LDLRAD4: variants seen among roughly 807,000 people sequenced by gnomAD.
LDLRAD4 encodes the protein low-density lipoprotein receptor class A domain-containing protein 4.
In LDLRAD4, 5 loss-of-function variants were observed where a neutral mutation model predicts 17.0. The ratio of observed to expected loss-of-function variants is 0.29; its 90% confidence interval spans 0.15 to 0.62. LDLRAD4 has a LOEUF of 0.62. Ranked by LOEUF, LDLRAD4 falls within the 20% of genes least tolerant of loss-of-function variation. The pLI is 0.84. For synonymous variants in LDLRAD4, 168 were observed against 171.8 expected (o/e 0.98, Z 0.17); for missense variants, 340 against 424.7 (o/e 0.80, Z 1.75).
chr18:13,237,667 C>G (rs2042403268), intron 1 of LDLRAD4, among the ~76,000 whole-genome samples: 1 of 152,192 alleles, frequency 6.6e-6, no homozygotes, highest in African/African-American at 2.4e-5. Flanking sequence ...TCAGTGCATA[C>G]AATTGTGTGA....
At chr18:13,495,424 C>T (rs1010540081) in intron 3 of LDLRAD4, among the ~76,000 whole-genome samples, 13 of 152,230 alleles carry the variant, frequency 8.5e-5, no homozygotes, top group African/African-American at 3.1e-4. Flanking sequence ...AGCCTGCCTT[C>T]AGTCAACAAA....
intron 3 of LDLRAD4, among the ~76,000 whole-genome samples, chr18:13,475,114 A>G (rs922392410): frequency 2.0e-5 from 3 of 152,222 alleles, no homozygotes; most frequent in Non-Finnish European, 4.4e-5. Context: ...TGGAGCAGAC[A>G]GGAGCCTCAA....
chr18:13,428,042 A>T (rs1600196374), intron 2 of LDLRAD4, among the ~76,000 whole-genome samples: 1 of 152,344 alleles, frequency 6.6e-6, no homozygotes, highest in Non-Finnish European at 1.5e-5. Flanking sequence ...CTGGCCATGT[A>T]CCACACTCTG....
At chr18:13,550,786 C>T (rs1192268701) in intron 3 of LDLRAD4, among the ~76,000 whole-genome samples, 2 of 152,144 alleles carry the variant, frequency 1.3e-5, no homozygotes, top group African/African-American at 4.8e-5. Flanking sequence ...ACTCCAAGTC[C>T]GAGTCCCGCT....
chr18:13,605,740 T>C (rs534365645), intron 3 of LDLRAD4, among the ~76,000 whole-genome samples: 6 of 152,290 alleles, frequency 3.9e-5, no homozygotes, highest in Non-Finnish European at 8.8e-5. Flanking sequence ...TTGAGTACTG[T>C]TCTTTAAAAT....
At chr18:13,465,272 C>A (rs1452461684) in intron 3 of LDLRAD4, among the ~76,000 whole-genome samples, 2 of 152,184 alleles carry the variant, frequency 1.3e-5, no homozygotes, top group African/African-American at 4.8e-5. Context: ...AACAGCACGC[C>A]CTCTCTTTAT....
In LDLRAD4 at chr18:13,255,696, A is replaced by G. The variant is rs560285071; in HGVS notation, c.-466-22409A>G. ...AGGCCCAAGGGAGAGGCAGGGTGCC[A>G]TAGGGGCTGTTGCAGCGTTGAGGCC... On this transcript the variant is annotated intron_variant, in intron 1 of 5. Coordinates refer to the LDLRAD4 transcript ENST00000399848. 4.6e-5 allele frequency among the ~76,000 whole-genome samples: 7 copies of G among 152,232 alleles called. No homozygotes were observed. The South Asian group carries it at 1.2e-3, about 27-fold the overall frequency.
At chr18:13,316,056 G>A (rs1227169474) in intron 1 of LDLRAD4, among the ~76,000 whole-genome samples, 1 of 152,104 alleles carries the variant, frequency 6.6e-6, no homozygotes, top group Non-Finnish European at 1.5e-5. Flanking sequence ...GGAGAGAGAT[G>A]GGGGTGCCAG....
In LDLRAD4 at chr18:13,405,725, G is replaced by A. The variant is rs201200951; in HGVS notation, c.40+17963G>A. ...AGTGCTGAGATTACTGCAGGCATGA[G>A]CCACCGTGCCGAGCCCCTATGCGAG... On this transcript the variant is annotated intron_variant, in intron 2 of 5. Transcript: ENST00000359446. Among the ~76,000 whole-genome samples the A allele has an allele frequency of 4.6e-5, 7 of 151,820 alleles. No homozygotes were observed. The East Asian group carries it at 1.4e-3, about 29-fold the overall frequency.
At chr18:13,394,986 C>T (rs557567867) in intron 2 of LDLRAD4, among the ~76,000 whole-genome samples, 17 of 152,286 alleles carry the variant, frequency 1.1e-4, no homozygotes, top group Middle Eastern at 3.4e-3. Context: ...CTCTGGAGTC[C>T]TTAATACTGG....
At chr18:13,450,024 CGA>C (rs1410018929) in intron 3 of LDLRAD4, among the ~76,000 whole-genome samples, 1 of 152,166 alleles carries the variant, frequency 6.6e-6, no homozygotes, top group Non-Finnish European at 1.5e-5. Flanking sequence ...AACACATTAC[CGA>C]GAGAGTTCGC....
chr18:13,470,490 C>T (rs974362133), intron 3 of LDLRAD4, among the ~76,000 whole-genome samples: 6 of 150,144 alleles, frequency 4.0e-5, no homozygotes, highest in African/African-American at 1.5e-4. Flanking sequence ...ATGTCTGCCA[C>T]AGCAAAATAG....
At chr18:13,293,058 A>C (rs2046059842) in intron 1 of LDLRAD4, among the ~76,000 whole-genome samples, 1 of 152,192 alleles carries the variant, frequency 6.6e-6, no homozygotes, top group Non-Finnish European at 1.5e-5. Flanking sequence ...TGACATCTTA[A>C]CTTAAAAGGT....
rs1003295658 is a variant in LDLRAD4, at chr18:13,578,827, CTTTT to C, written c.182-42265_182-42262del. On this transcript the variant is annotated intron_variant, in intron 3 of 5. Transcript: ENST00000359446. ...TGACCCATTTAAAAGTTGTCCGGGT[CTTTT>C]TTTTTTTTTTTTTTTTTTTTTTTTG... is the stretch of plus-strand genomic sequence containing the variant. Among the ~76,000 whole-genome samples, 477 of 65,636 alleles carry C rather than the reference CTTTT, an allele frequency of 7.3e-3. 2 individuals carry two copies. The highest frequency in any genetic ancestry group is 0.036 in the Admixed American group (181 of 4,980). 43.1% of individuals were successfully genotyped at this position (65,636 alleles called of 152,430 possible).
intron 1 of LDLRAD4, among the ~76,000 whole-genome samples, chr18:13,225,638 C>T (rs2041743065): frequency 1.3e-5 from 2 of 152,206 alleles, no homozygotes; most frequent in East Asian, 1.9e-4. Flanking sequence ...GGACAAATAA[C>T]GTTTTCTTTT....
At chr18:13,444,247 T>C (rs1020205261) in intron 3 of LDLRAD4, among the ~76,000 whole-genome samples, 2 of 152,180 alleles carry the variant, frequency 1.3e-5, no homozygotes, top group Non-Finnish European at 2.9e-5. Flanking sequence ...GAACCCCCTC[T>C]GCTACACTTG....
intron 2 of LDLRAD4, among the ~76,000 whole-genome samples, chr18:13,395,627 AGTTGGCG>A (rs1470817776): frequency 9.3e-4 from 36 of 38,782 alleles, no homozygotes; most frequent in Non-Finnish European, 1.5e-3. Context: ...TGGGGGCGGG[AGTTGGCG>A]TTGGGTGGGG....
At chr18:13,453,750 C>T (rs540317934) in intron 3 of LDLRAD4, among the ~76,000 whole-genome samples, 110 of 152,316 alleles carry the variant, frequency 7.2e-4, no homozygotes, top group South Asian at 1.2e-3. Flanking sequence ...CTCTGCAGGG[C>T]GCCCGGTGCT....
intron 2 of LDLRAD4, among the ~76,000 whole-genome samples, chr18:13,415,384 T>TATAGCAC (rs2088783342): frequency 1.3e-5 from 2 of 152,342 alleles, no homozygotes; most frequent in South Asian, 4.1e-4. Context: ...TGCCTGTGTC[T>TATAGCAC]ATAGCACATA....
Sources: allele counts gnomAD v4.1 joint callset (sites outside exome capture counted in the v4.1 genomes callset), GRCh38; gene constraint gnomAD v4.1.1; transcripts MANE v1.5; gene names NCBI Gene and HGNC (gene_info 2026-07-23, HGNC 2026-07-21).